Variants in C5 observed in about 807,000 individuals in gnomAD.
C5 encodes complement C5.
A neutral mutation model predicts 218.8 loss-of-function variants in C5; 140 were observed. The observed-to-expected ratio is 0.64, with a 90% CI of 0.56 to 0.74. The LOEUF (loss-of-function observed/expected upper bound fraction) is 0.74, where lower values mean the gene tolerates loss of function less well. C5 is among the 30% of genes least tolerant of loss of function. The probability of loss-of-function intolerance (pLI) is 0.00; values close to 1 mark genes in which losing one functional copy is unlikely to be tolerated. For missense variants in C5, 1,700 were observed against 1,969.6 expected (o/e 0.86, Z 2.59); for synonymous variants, 614 against 682.3 (o/e 0.90, Z 1.56).
At chr9:121,069,528 C>CTT in the C5 span, among the ~76,000 whole-genome samples, 53 of 143,330 alleles carry the variant, frequency 3.7e-4, no homozygotes, top group East Asian at 2.4e-3. Flanking sequence ...AAAAGAAACT[C>CTT]TTTTTTTTTT....
the C5 span, among the ~76,000 whole-genome samples, chr9:121,055,693 A>G: frequency 6.6e-6 from 1 of 152,116 alleles, no homozygotes; most frequent in Admixed American, 6.5e-5. Context: ...CCATCTGCTG[A>G]CTAATGTGGC....
chr9:120,976,623 A>AT (rs1407338208), intron 29 of C5, 77 bp downstream of exon 29: 1 of 1,168,466 alleles, frequency 8.6e-7, no homozygotes, highest in African/African-American at 1.5e-5. Context: ...GGACAAAGGC[A>AT]TGGAGGCCAG....
intron 20 of C5, 87 bp downstream of exon 20, chr9:121,005,832 T>C (rs2047211250): frequency 7.2e-7 from 1 of 1,384,860 alleles, no homozygotes; most frequent in Admixed American, 1.7e-5. Flanking sequence ...GAACTTCTAC[T>C]TTTTTGTGTA....
chr9:120,962,940 T>C lies in C5; in HGVS notation c.4351A>G (p.Thr1451Ala), dbSNP rs761105830. The C allele has an allele frequency of 2.5e-6, 4 of 1,614,002 alleles. No homozygotes were observed. The highest frequency in any genetic ancestry group is 3.3e-5 in the Admixed American group (2 of 60,016). Residue 1451 changes from threonine (T) to alanine (A), a missense_variant, in exon 35 of 41, where the codon ACT becomes GCT. Thr to Ala is a moderately conservative substitution (Grantham distance 58). Coordinates refer to ENST00000223642, the MANE Select transcript of C5 (RefSeq NM_001735.3). Reference sequence around the variant, plus strand: ...TGTCCATCTTTGATTTGGTAATCAGTGAATAGTTGATCCACCCCTTCCACA... The same window carrying C: ...TGTCCATCTTTGATTTGGTAATCAGCGAATAGTTGATCCACCCCTTCCACA... Reference protein sequence around the residue: ...ALVEGVDQLFTDYQIKDGHVI... With the variant: ...ALVEGVDQLFADYQIKDGHVI...
At chr9:120,977,233 T>C (rs1588173106) in intron 28 of C5, among the ~76,000 whole-genome samples, 2 of 152,350 alleles carry the variant, frequency 1.3e-5, no homozygotes, top group Admixed American at 6.5e-5. Context: ...GTCAAAACTT[T>C]GTTTCATGCA....
Position 120,961,502 on chromosome 9 carries a change from G to C in C5, c.4568C>G (p.Ala1523Gly), listed in dbSNP as rs2046827149. The change falls in exon 37 of 41, where the codon GCC becomes GGC. Residue 1523 changes from alanine to glycine, a missense_variant. Coordinates refer to ENST00000223642, the MANE Select transcript of C5 (RefSeq NM_001735.3). ...TTTACCTTCTACACACTTGCACGCG[G>C]CTCCTTCACAGACTTTCTGAATTTT... ...NIKIQKVCEG[A>G]ACKCVEADCG... 1 of 1,611,114 alleles carries C rather than the reference G, an allele frequency of 6.2e-7. No homozygotes were observed. The highest frequency in any genetic ancestry group is 1.7e-5 in the Admixed American group (1 of 59,992).
chr9:120,958,633 T>C (rs1422318126), intron 38 of C5, among the ~76,000 whole-genome samples: 1 of 152,080 alleles, frequency 6.6e-6, no homozygotes, highest in Non-Finnish European at 1.5e-5. Flanking sequence ...ATAAAACTTA[T>C]TCTGTTGCCT....
chr9:120,970,060 A>T (rs976101106), intron 32 of C5, 110 bp downstream of exon 32: 1 of 759,374 alleles, frequency 1.3e-6, no homozygotes, highest in Non-Finnish European at 2.3e-6. Context: ...TATTTGGTTA[A>T]GAAATTTCAC....
intron 29 of C5, among the ~76,000 whole-genome samples, chr9:120,976,238 T>A (rs559918471): frequency 5.9e-5 from 9 of 152,368 alleles, no homozygotes; most frequent in Admixed American, 3.9e-4. Context: ...TAAAAATACA[T>A]ACTCAAATGA....
At chr9:121,064,423 CA>C in the C5 span, among the ~76,000 whole-genome samples, 1 of 152,080 alleles carries the variant, frequency 6.6e-6, no homozygotes, top group Non-Finnish European at 1.5e-5. Context: ...AAACTGTTAA[CA>C]AAAATACATT....
At chr9:121,060,747 A>T in the C5 span, among the ~76,000 whole-genome samples, 2 of 151,864 alleles carry the variant, frequency 1.3e-5, no homozygotes, top group Non-Finnish European at 2.9e-5. Context: ...GGATCTCTTC[A>T]TAAAAGTTAT....
chr9:120,967,952 G>C (rs372604175), intron 33 of C5, among the ~76,000 whole-genome samples: 1 of 151,898 alleles, frequency 6.6e-6, no homozygotes, highest in Non-Finnish European at 1.5e-5. Context: ...TGAACTCCTG[G>C]GCTCAAGCAA....
chr9:121,041,943 T>C (rs1215055624), intron 3 of C5, among the ~76,000 whole-genome samples: 1 of 152,194 alleles, frequency 6.6e-6, no homozygotes, highest in Non-Finnish European at 1.5e-5. Flanking sequence ...TCATAACAAA[T>C]GCTCCTGCTG....
chr9:121,000,058 C>CAA (rs56914253), intron 20 of C5: 19,343 of 171,526 alleles, frequency 0.11, 1,488 homozygotes, highest in African/African-American at 0.28. Flanking sequence ...GACTCTGTCT[C>CAA]AAAAAAAAAA....
At chr9:121,019,039 C>T (rs2047341027) in intron 12 of C5, among the ~76,000 whole-genome samples, 1 of 151,946 alleles carries the variant, frequency 6.6e-6, no homozygotes, top group Non-Finnish European at 1.5e-5. Flanking sequence ...ACTAAAACCC[C>T]TTTTGTTTCA....
chr9:121,066,508 T>C, the C5 span, among the ~76,000 whole-genome samples: 2 of 151,870 alleles, frequency 1.3e-5, no homozygotes, highest in Admixed American at 6.6e-5. Flanking sequence ...ATAATTATTA[T>C]TTACTAAAAA....
At chr9:121,017,537 G>T in intron 13 of C5, 26 bp from the exon 14 acceptor site, 1 of 1,612,724 alleles carries the variant, frequency 6.2e-7, no homozygotes, top group Non-Finnish European at 8.5e-7. Flanking sequence ...AAAAAGAAAA[G>T]AAAAGATCAT....
chr9:121,053,601 G>A (rs1333280183), upstream of C5, among the ~76,000 whole-genome samples: 3 of 152,122 alleles, frequency 2.0e-5, no homozygotes, highest in East Asian at 1.9e-4. Flanking sequence ...TACTTTTACC[G>A]TAATGATAAG....
At chr9:121,057,756 T>G in the C5 span, among the ~76,000 whole-genome samples, 3 of 152,014 alleles carry the variant, frequency 2.0e-5, no homozygotes, top group Non-Finnish European at 4.4e-5. Context: ...TAACAAAATG[T>G]CAATACTAAG....
Sources: gnomAD v4.1 joint callset for allele counts (sites outside exome capture counted in the v4.1 genomes callset) on GRCh38, gnomAD v4.1.1 for gene constraint, MANE v1.5 for transcripts, NCBI Gene and HGNC (gene_info 2026-07-23, HGNC 2026-07-21) for gene names.